SMARCD2: variants seen among roughly 807,000 people sequenced by gnomAD.
The protein encoded by SMARCD2 is SWI/SNF related BAF chromatin remodeling complex subunit D2.
Under a neutral mutation model 70.4 loss-of-function variants are expected in SMARCD2, and 39 were observed. The ratio of observed to expected loss-of-function variants is 0.55; its 90% confidence interval spans 0.43 to 0.72. SMARCD2 has a LOEUF of 0.72. Ranked by LOEUF, SMARCD2 falls within the 30% of genes least tolerant of loss-of-function variation. The probability of loss-of-function intolerance (pLI) is 0.00; values close to 1 mark genes in which losing one functional copy is unlikely to be tolerated. For missense variants in SMARCD2, 540 were observed against 713.4 expected (o/e 0.76, Z 2.77); for synonymous variants, 249 against 279.4 (o/e 0.89, Z 1.08).
chr17:63,838,810 G>C (rs2040297281), intron 1 of SMARCD2: 1 of 1,267,608 alleles, frequency 7.9e-7, no homozygotes, highest in Admixed American at 3.9e-5. Context: ...CGGCAGGGTG[G>C]AGACTTGTAC....
At chr17:63,839,892 G>T (rs1369999540) in intron 1 of SMARCD2, among the ~76,000 whole-genome samples, 3 of 152,158 alleles carry the variant, frequency 2.0e-5, no homozygotes, top group African/African-American at 7.2e-5. Context: ...ACTTTGGGAG[G>T]CCGAGGCGGG....
In SMARCD2 at chr17:63,837,483, AG is replaced by A; in HGVS notation, c.358del (p.Val121CysfsTer15). The A allele has an allele frequency of 6.3e-7, 1 of 1,589,290 alleles. No homozygotes were observed. The highest frequency in any genetic ancestry group is 8.6e-7 in the Non-Finnish European group (1 of 1,165,098). On this transcript the variant is annotated frameshift_variant, in exon 2 of 13. Transcript: ENST00000448276. LOFTEE classifies it high-confidence loss of function. This position sits in a 1 kb window ranked among gnomAD's most constrained non-coding sequence, Gnocchi z 6.4. ...CATGGGAGGCTGCGCCTGGGGCACA[AG>A]CAGGCGTTTTCGGAATGGATCCATC... ...TMMDPFRKRL[L>X]VPQAQPPMPA... is the part of the protein sequence containing the mutation.
chr17:63,836,300 G>T (rs1272561407), intron 4 of SMARCD2, among the ~76,000 whole-genome samples: 1 of 151,942 alleles, frequency 6.6e-6, no homozygotes, highest in South Asian at 2.1e-4. Flanking sequence ...GAGGCAGTCA[G>T]GAGTTCGAGA....
chr17:63,834,198 TC>T lies in SMARCD2; in HGVS notation c.1051del (p.Glu351SerfsTer25), dbSNP rs2040234784. ...HNQLQDGHER[E>X]YINCNRYFRQ... The stretch of plus-strand genomic sequence containing the variant: ...GAAGTAACGGTTGCAGTTGATGTAC[TC>T]CCGCTCGTGCCCATCCTGCAGCTGG... On this transcript the variant is annotated frameshift_variant, in exon 8 of 13. Transcript: ENST00000448276. LOFTEE classifies it high-confidence loss of function. The surrounding 1 kb of genome is among the most constrained non-coding windows in gnomAD (Gnocchi z 5.6). The T allele has an allele frequency of 6.2e-7, 1 of 1,607,890 alleles. No homozygotes were observed. The highest frequency in any genetic ancestry group is 1.3e-5 in the African/African-American group (1 of 74,936).
At position 63,834,934 on chromosome 17, in the gene SMARCD2, G is replaced by C. The variant is rs2040245911; in HGVS notation, c.724-134C>G. 1.5e-6 allele frequency: 1 copy of C among 667,836 alleles called. No homozygotes were observed. The allele number at this position is 667,836 out of a possible 1,614,324, so 41.4% of individuals were successfully genotyped here. A position where few individuals can be genotyped will look rare whatever the true frequency, so the allele number is the denominator to read the frequency against. Reference sequence around the variant, plus strand: ...GAAGATTCCTGGGCCCTGAAGGATGGAAGCAGGACTCTGGGCAGACTGGAG... The same window carrying C: ...GAAGATTCCTGGGCCCTGAAGGATGCAAGCAGGACTCTGGGCAGACTGGAG... On this transcript the variant is annotated intron_variant, in intron 5 of 12. Coordinates refer to ENST00000448276, the MANE Select transcript of SMARCD2 (RefSeq NM_001098426.2). The surrounding 1 kb of genome is among the most constrained non-coding windows in gnomAD (Gnocchi z 5.6).
intron 4 of SMARCD2, chr17:63,835,794 C>G: frequency 2.7e-6 from 1 of 375,702 alleles, no homozygotes; most frequent in Non-Finnish European, 4.8e-6. Context: ...GTGGCGCGAT[C>G]TCAGCTCACT....
At position 63,832,966 on chromosome 17, in the gene SMARCD2, T is replaced by C; in HGVS notation, c.1568A>G (p.Glu523Gly). ...GGTCAGGCGAATTCCCAGCACCTGT[T>C]CCAGTTCCTGCCTTCGCTGCTGCAC... Reference protein sequence around the residue: ...AKVQQRRQELEQVLGIRLT With the variant: ...AKVQQRRQELGQVLGIRLT The change falls in exon 13 of 13, where the codon GAA becomes GGA. Residue 523 changes from glutamate (E) to glycine (G), a missense_variant. Physicochemically the swap from Glu to Gly is moderately conservative, Grantham distance 98 (BLOSUM62 -2). Coordinates refer to ENST00000448276, the MANE Select transcript of SMARCD2 (RefSeq NM_001098426.2). 1 of 1,579,768 alleles carries C rather than the reference T, an allele frequency of 6.3e-7. No individual in the cohort carries two copies. Among genetic ancestry groups the C allele is most frequent in the Non-Finnish European group, 8.6e-7 (1 of 1,164,336 alleles).
chr17:63,836,013 G>C (rs904518660), intron 4 of SMARCD2, among the ~76,000 whole-genome samples: 1 of 152,032 alleles, frequency 6.6e-6, no homozygotes, highest in African/African-American at 2.4e-5. Flanking sequence ...ACAGGTGTGA[G>C]CCACCGCACC....
At position 63,833,577 on chromosome 17, in the gene SMARCD2, G is replaced by C. The variant is rs369254683; in HGVS notation, c.1317+10C>G. 1.5e-5 allele frequency: 25 copies of C among 1,614,004 alleles called. No homozygotes were observed. Among genetic ancestry groups the C allele is most frequent in the African/African-American group, 8.0e-5 (6 of 75,048 alleles). ...GGCCCCAGAGGAAGCTGTGGAGCCAGAGGGCCCACCTTGACATCAAGGGAG... is the reference window on the plus strand; with the variant it reads ...GGCCCCAGAGGAAGCTGTGGAGCCACAGGGCCCACCTTGACATCAAGGGAG... On this transcript the variant is annotated intron_variant, in intron 10 of 12. Coordinates refer to ENST00000448276, the MANE Select transcript of SMARCD2 (RefSeq NM_001098426.2). The surrounding 1 kb of genome is among the most constrained non-coding windows in gnomAD (Gnocchi z 4.3).
chr17:63,834,600 ATCACCAAGGGG>A lies in SMARCD2; in HGVS notation c.820-36_820-26del, dbSNP rs2040241309. On this transcript the variant is annotated intron_variant, in intron 6 of 12. Transcript: ENST00000448276. The surrounding 1 kb of genome is among the most constrained non-coding windows in gnomAD (Gnocchi z 5.6). ...ACTGGCAGGGAGGGAAGCATGGCTT[ATCACCAAGGGG>A]GTGGGCGTGAACACAGGGCCTCCCA... 6.3e-7 allele frequency: 1 copy of A among 1,583,762 alleles called. No individual in the cohort carries two copies. The highest frequency in any genetic ancestry group is 8.7e-7 in the Non-Finnish European group (1 of 1,155,974).
At chr17:63,835,357 C>G in intron 5 of SMARCD2, 55 bp downstream of exon 5, 1 of 1,552,928 alleles carries the variant, frequency 6.4e-7, no homozygotes, top group Non-Finnish European at 8.7e-7. Flanking sequence ...TCCTTGGTCT[C>G]AGTCTTAAAC....
In SMARCD2 at chr17:63,832,977, C is replaced by A; in HGVS notation, c.1557G>T (p.Arg519Ser). The change falls in exon 13 of 13, where the codon AGG becomes AGT. Residue 519 changes from arginine to serine, a missense_variant. Physicochemically the swap from Arg to Ser is moderately radical, Grantham distance 110. Transcript: ENST00000448276. ...TTCCCAGCACCTGTTCCAGTTCCTG[C>A]CTTCGCTGCTGCACCTGGAGAAGGG... is the stretch of plus-strand genomic sequence containing the variant. ...RHIFAKVQQR[R>S]QELEQVLGIR... is the part of the protein sequence containing the mutation. 6.3e-7 allele frequency: 1 copy of A among 1,583,342 alleles called. No individual in the cohort carries two copies. The highest frequency in any genetic ancestry group is 1.8e-5 in the Admixed American group (1 of 55,892).
Position 63,834,170 on chromosome 17 carries a change from G to C in SMARCD2, c.1080C>G (p.Arg360=). The change falls in exon 8 of 13, where the codon CGC becomes CGG. Residue 360 remains arginine (R), a synonymous_variant. Transcript: ENST00000448276. This position sits in a 1 kb window ranked among gnomAD's most constrained non-coding sequence, Gnocchi z 5.6. ...REYINCNRYF[R]QIFSCGRLRF... ...CGGGGGCTGGCATCTGGCTAACCTG[G>C]CGGAAGTAACGGTTGCAGTTGATGT... 1 of 1,608,756 alleles carries C rather than the reference G, an allele frequency of 6.2e-7. No individual in the cohort carries two copies. The highest frequency in any genetic ancestry group is 2.2e-5 in the East Asian group (1 of 44,706).
Position 63,837,526 on chromosome 17 carries a change from C to G in SMARCD2, c.316G>C (p.Gly106Arg). The change falls in exon 2 of 13, where the codon GGC (glycine) becomes CGC (arginine). Residue 106 changes from glycine (G) to arginine (R), a missense_variant. Coordinates refer to ENST00000448276, the MANE Select transcript of SMARCD2 (RefSeq NM_001098426.2). This position sits in a 1 kb window ranked among gnomAD's most constrained non-coding sequence, Gnocchi z 6.4. The stretch of plus-strand genomic sequence containing the variant: ...GGATCCATCATGGTGGGTGGCATGC[C>G]AGGTCGAAGCGGAGCTGCTGCACCA... ...PFGAAAPLRP[G>R]MPPTMMDPFR... 1 of 1,608,112 alleles carries G rather than the reference C, an allele frequency of 6.2e-7. No homozygotes were observed.
In SMARCD2 at chr17:63,834,397, A is replaced by T; in HGVS notation, c.922-69T>A. 6.3e-7 allele frequency: 1 copy of T among 1,575,910 alleles called. No homozygotes were observed. Among genetic ancestry groups the T allele is most frequent in the Non-Finnish European group, 8.7e-7 (1 of 1,153,064 alleles). On this transcript the variant is annotated intron_variant, in intron 7 of 12. Transcript: ENST00000448276. The surrounding 1 kb of genome is among the most constrained non-coding windows in gnomAD (Gnocchi z 5.6). ...AACAGTGGGAAAATAGGGCAGGGACAGGAAGGGTTTCTAGGAACCAGCTCC... is the reference window on the plus strand; with the variant it reads ...AACAGTGGGAAAATAGGGCAGGGACTGGAAGGGTTTCTAGGAACCAGCTCC...
chr17:63,835,286 C>G, intron 5 of SMARCD2, 126 bp downstream of exon 5: 2 of 968,734 alleles, frequency 2.1e-6, no homozygotes, highest in South Asian at 3.5e-5. Flanking sequence ...CCGCACCCAG[C>G]TAATTTTTAA....
Position 63,835,413 on chromosome 17 carries a change from TCATC to T in SMARCD2, c.718_721del (p.Asp240IlefsTer48), listed in dbSNP as rs751751218. 6.2e-7 allele frequency: 1 copy of T among 1,612,716 alleles called. No individual in the cohort carries two copies. The highest frequency in any genetic ancestry group is 8.5e-7 in the Non-Finnish European group (1 of 1,179,124). ...CCAGAACCTCCCTCCCCAACTCACA[TCATC>T]CAGCAGTTTTCCTTCCACTCGGAGT... On this transcript the variant is annotated frameshift_variant and splice_region_variant, in exon 5 of 13. Coordinates refer to ENST00000448276, the MANE Select transcript of SMARCD2 (RefSeq NM_001098426.2). LOFTEE classifies it high-confidence loss of function.
chr17:63,841,499 G>A (rs1373659740), intron 1 of SMARCD2, among the ~76,000 whole-genome samples: 1 of 152,232 alleles, frequency 6.6e-6, no homozygotes, highest in Non-Finnish European at 1.5e-5. Flanking sequence ...AATGCAGAGA[G>A]GGTGACAAGG....
Position 63,832,116 on chromosome 17 carries a change from C to G in SMARCD2, c.*822G>C. The G allele has an allele frequency of 1.1e-6, 1 of 882,562 alleles. No homozygotes were observed. The highest frequency in any genetic ancestry group is 1.8e-6 in the Non-Finnish European group (1 of 566,892). The allele number at this position is 882,562 out of a possible 1,614,324, so 54.7% of individuals were successfully genotyped here. A position where few individuals can be genotyped will look rare whatever the true frequency, so the allele number is the denominator to read the frequency against. ...AAGGATTTATTTGGAAATTTCCAAA[C>G]CTGCCAGATGTGGCACTCGCCAAGC... On this transcript the variant is annotated 3_prime_UTR_variant, in exon 13 of 13. Transcript: ENST00000448276.
Sources: allele counts gnomAD v4.1 joint callset (sites outside exome capture counted in the v4.1 genomes callset), GRCh38; gene constraint gnomAD v4.1.1; non-coding constraint Gnocchi (gnomAD v3.1); transcripts MANE v1.5; gene names NCBI Gene and HGNC (gene_info 2026-07-23, HGNC 2026-07-21).